The following LIPC variants were observed in gnomAD, a reference collection of about 807,000 sequenced individuals.
The protein encoded by LIPC is hepatic triacylglycerol lipase.
Under a neutral mutation model 50.7 loss-of-function variants are expected in LIPC, and 44 were observed. That is an observed-to-expected ratio of 0.87 (90% CI 0.68 to 1.11). The LOEUF (loss-of-function observed/expected upper bound fraction) is 1.11. Among genes scored for constraint, LIPC ranks in the 50% most tolerant of loss-of-function variants. The probability of loss-of-function intolerance (pLI) is 0.00; values close to 1 mark genes in which losing one functional copy is unlikely to be tolerated. For missense variants in LIPC, 697 were observed against 648.2 expected (o/e 1.08, Z -0.82); for synonymous variants, 271 against 256.4 (o/e 1.06, Z -0.54).
At chr15:58,482,363 C>T (rs781654788) in intron 1 of LIPC, among the ~76,000 whole-genome samples, 9 of 152,154 alleles carry the variant, frequency 5.9e-5, no homozygotes, top group Non-Finnish European at 1.3e-4. Context: ...CCAGCTCATG[C>T]TCTGTTCTCC....
intron 1 of LIPC, among the ~76,000 whole-genome samples, chr15:58,493,806 T>C (rs1298967687): frequency 6.6e-6 from 1 of 151,146 alleles, no homozygotes; most frequent in Non-Finnish European, 1.5e-5. Context: ...TATGGCTCAC[T>C]ATAAAAGAAA....
chr15:58,528,757 T>C (rs1892864305), intron 1 of LIPC, among the ~76,000 whole-genome samples: 1 of 152,166 alleles, frequency 6.6e-6, no homozygotes, highest in African/African-American at 2.4e-5. Context: ...CATCCACGGG[T>C]CCAGACTGGA....
At chr15:58,479,441 A>G (rs1209186986) in intron 1 of LIPC, among the ~76,000 whole-genome samples, 4 of 152,222 alleles carry the variant, frequency 2.6e-5, no homozygotes, top group African/African-American at 7.2e-5. Flanking sequence ...ATCCTTTACT[A>G]AAGTCAGGCA....
chr15:58,556,047 G>T (rs1402052808), intron 6 of LIPC, among the ~76,000 whole-genome samples: 2 of 152,174 alleles, frequency 1.3e-5, no homozygotes, highest in East Asian at 3.8e-4. Context: ...AGGACAGCAG[G>T]GGTAGAGGGA....
intron 6 of LIPC, among the ~76,000 whole-genome samples, chr15:58,550,620 T>C (rs1356903517): frequency 6.6e-6 from 1 of 152,108 alleles, no homozygotes; most frequent in Non-Finnish European, 1.5e-5. Flanking sequence ...GGGGGCTCGG[T>C]GGAGACTAAC....
chr15:58,456,288 T>C (rs940260884), intron 1 of LIPC: 3 of 152,228 alleles, frequency 2.0e-5, no homozygotes, highest in East Asian at 3.8e-4. Context: ...AATTTTACAT[T>C]TGCATTAAGG....
chr15:58,516,237 CTTTTTTTTTTTT>C (rs11351202), intron 1 of LIPC, among the ~76,000 whole-genome samples: 1 of 45,136 alleles, frequency 2.2e-5, no homozygotes, highest in Non-Finnish European at 4.1e-5. Context: ...CCTCTAGCTT[CTTTTTTTTTTTT>C]TTTTTTTTTT....
intron 1 of LIPC, among the ~76,000 whole-genome samples, chr15:58,507,042 A>G (rs1241416659): frequency 2.0e-5 from 3 of 152,192 alleles, no homozygotes; most frequent in Admixed American, 1.3e-4. Flanking sequence ...CACTGTCACA[A>G]GAACAAGCTG....
intron 1 of LIPC, among the ~76,000 whole-genome samples, chr15:58,523,766 T>C (rs1892722895): frequency 6.6e-6 from 1 of 151,846 alleles, no homozygotes; most frequent in African/African-American, 2.4e-5. Flanking sequence ...GATAAATAAA[T>C]AAATAAATAA....
At chr15:58,527,668 A>G (rs948999521) in intron 1 of LIPC, among the ~76,000 whole-genome samples, 27 of 152,216 alleles carry the variant, frequency 1.8e-4, no homozygotes, top group African/African-American at 6.0e-4. Context: ...TGCCTCTACC[A>G]TAAGACCATG....
intron 6 of LIPC, 47 bp downstream of exon 6, chr15:58,548,619 C>T: frequency 6.4e-7 from 1 of 1,565,108 alleles, no homozygotes; most frequent in Non-Finnish European, 8.6e-7. Flanking sequence ...ATGCAGTCCC[C>T]TGTCCAAAGG....
At chr15:58,490,952 G>A (rs2140806218) in intron 1 of LIPC, among the ~76,000 whole-genome samples, 1 of 152,314 alleles carries the variant, frequency 6.6e-6, no homozygotes, top group East Asian at 1.9e-4. Context: ...CCTAAGGAAA[G>A]AGCGAGCCCA....
intron 1 of LIPC, among the ~76,000 whole-genome samples, chr15:58,446,517 T>A (rs1881579957): frequency 6.6e-6 from 1 of 152,236 alleles, no homozygotes; most frequent in African/African-American, 2.4e-5. Context: ...ATCCTCCTGT[T>A]GCCCTGTTTG....
chr15:58,487,010 T>TACC (rs1891399556), intron 1 of LIPC, among the ~76,000 whole-genome samples: 1 of 152,208 alleles, frequency 6.6e-6, no homozygotes, highest in Non-Finnish European at 1.5e-5. Context: ...CCTGCGTGTG[T>TACC]ACCTCACACT....
At chr15:58,565,913 C>CAAAA (rs55871337) in intron 8 of LIPC, 439 of 943,048 alleles carry the variant, frequency 4.7e-4, no homozygotes, top group Middle Eastern at 1.6e-3. Flanking sequence ...TCGGAGAATA[C>CAAAA]AAAAAAAAAA....
intron 1 of LIPC, among the ~76,000 whole-genome samples, chr15:58,450,701 G>A (rs998895468): frequency 6.6e-6 from 1 of 152,164 alleles, no homozygotes; most frequent in Non-Finnish European, 1.5e-5. Flanking sequence ...GGAAGGTCAA[G>A]GTACTGAGTA....
At chr15:58,530,609 G>A (rs1009830201) in intron 1 of LIPC, among the ~76,000 whole-genome samples, 2 of 152,234 alleles carry the variant, frequency 1.3e-5, no homozygotes, top group African/African-American at 2.4e-5. Flanking sequence ...TCACCATCAA[G>A]ATGTAGGATA....
chr15:58,500,855 A>C (rs1207271635), intron 1 of LIPC, among the ~76,000 whole-genome samples: 8 of 151,306 alleles, frequency 5.3e-5, no homozygotes, highest in African/African-American at 1.7e-4. Flanking sequence ...TATATTATCC[A>C]AATCAATGAC....
chr15:58,457,675 T>C (rs1197594141), intron 1 of LIPC, among the ~76,000 whole-genome samples: 1 of 152,234 alleles, frequency 6.6e-6, no homozygotes, highest in Non-Finnish European at 1.5e-5. Context: ...TTCACTATTA[T>C]TGTGTTTATT....
Sources: gnomAD v4.1 joint callset for allele counts (sites outside exome capture counted in the v4.1 genomes callset) on GRCh38, gnomAD v4.1.1 for gene constraint, MANE v1.5 for transcripts, NCBI Gene and HGNC (gene_info 2026-07-23, HGNC 2026-07-21) for gene names.